The following GLIS3 variants were observed in gnomAD, a reference collection of about 807,000 sequenced individuals.
GLIS3 encodes the protein zinc finger protein GLIS3.
Under a neutral mutation model 78.6 loss-of-function variants are expected in GLIS3, and 53 were observed. The ratio of observed to expected loss-of-function variants is 0.67; its 90% CI spans 0.54 to 0.85. The LOEUF is 0.85. Ranked by LOEUF, GLIS3 falls within the 40% of genes least tolerant of loss-of-function variation. The pLI, the probability that GLIS3 is intolerant of heterozygous loss-of-function variation, is 0.00. For synonymous variants in GLIS3, 684 were observed against 509.9 expected (o/e 1.34, Z -4.60); for missense variants, 1,703 against 1,231.1 (o/e 1.38, Z -5.74).
chr9:4,166,982 T>A (rs1033429552), intron 2 of GLIS3, among the ~76,000 whole-genome samples: 1 of 152,076 alleles, frequency 6.6e-6, no homozygotes, highest in Non-Finnish European at 1.5e-5. Flanking sequence ...ACTCCAAAAA[T>A]CTCTTTGAGT....
chr9:3,912,085 C>T (rs1435691752), intron 6 of GLIS3, among the ~76,000 whole-genome samples: 1 of 152,206 alleles, frequency 6.6e-6, no homozygotes, highest in Non-Finnish European at 1.5e-5. Flanking sequence ...CCTCTCAAGA[C>T]TTCAGAACCT....
chr9:4,003,902 C>A (rs1268418377), intron 4 of GLIS3, among the ~76,000 whole-genome samples: 1 of 152,220 alleles, frequency 6.6e-6, no homozygotes, highest in Non-Finnish European at 1.5e-5. Flanking sequence ...TTTGGTAAAT[C>A]TTTCGTGGTT....
chr9:3,893,526 G>C (rs914194940), intron 7 of GLIS3, among the ~76,000 whole-genome samples: 1 of 152,110 alleles, frequency 6.6e-6, no homozygotes, highest in African/African-American at 2.4e-5. Context: ...GGGGTGACAA[G>C]CAAAATATCC....
At chr9:3,867,294 T>A (rs1418310487) in intron 8 of GLIS3, among the ~76,000 whole-genome samples, 1 of 152,220 alleles carries the variant, frequency 6.6e-6, no homozygotes, top group Non-Finnish European at 1.5e-5. Context: ...TCACAATCAC[T>A]AGACTGGTAA....
rs574171138 is a variant in GLIS3 at position 4,237,378 on chromosome 9, A to G, written c.388+48660T>C. On this transcript the variant is annotated intron_variant, in intron 2 of 10. Transcript: ENST00000381971. ...GCAACTTTACATTAACTGGAAAAAA[A>G]TCAGAATGTAGAATTAAGTCTATAA... is the stretch of plus-strand genomic sequence containing the variant. Among the ~76,000 whole-genome samples the G allele has an allele frequency of 2.0e-5, 3 of 152,316 alleles. No homozygotes were observed. In the South Asian group the frequency reaches 6.2e-4, roughly 32 times the overall value.
At chr9:4,277,311 C>T (rs1827117103) in intron 2 of GLIS3, among the ~76,000 whole-genome samples, 1 of 152,154 alleles carries the variant, frequency 6.6e-6, no homozygotes, top group African/African-American at 2.4e-5. Flanking sequence ...AAACACACAG[C>T]TAGCTAACCA....
intron 2 of GLIS3, among the ~76,000 whole-genome samples, chr9:4,281,082 C>A (rs576986897): frequency 1.3e-5 from 2 of 151,972 alleles, no homozygotes; most frequent in African/African-American, 4.8e-5. Flanking sequence ...GCTTATTAGT[C>A]GTTTGAAAAA....
chr9:3,891,064 C>CA (rs1563817809), intron 7 of GLIS3, among the ~76,000 whole-genome samples: 1 of 28,774 alleles, frequency 3.5e-5, no homozygotes, highest in African/African-American at 1.0e-4. Flanking sequence ...TCCTTCCTTC[C>CA]TCAAAAAAAA....
At chr9:3,838,269 T>A (rs926879415) in intron 9 of GLIS3, among the ~76,000 whole-genome samples, 5 of 152,230 alleles carry the variant, frequency 3.3e-5, no homozygotes, top group African/African-American at 1.2e-4. Context: ...TTAGTTACTT[T>A]AATAAGAATT....
At chr9:4,264,769 G>T (rs921300447) in intron 2 of GLIS3, among the ~76,000 whole-genome samples, 1 of 151,990 alleles carries the variant, frequency 6.6e-6, no homozygotes, top group Non-Finnish European at 1.5e-5. Context: ...TACATCATAG[G>T]TATTTACTCA....
intron 8 of GLIS3, among the ~76,000 whole-genome samples, chr9:3,861,166 G>A (rs964440623): frequency 6.6e-6 from 1 of 152,140 alleles, no homozygotes; most frequent in South Asian, 2.1e-4. Context: ...CCCTGTGTTC[G>A]AGAGCTGTGT....
chr9:4,226,997 C>A (rs1821823532), intron 2 of GLIS3, among the ~76,000 whole-genome samples: 1 of 152,178 alleles, frequency 6.6e-6, no homozygotes, highest in African/African-American at 2.4e-5. Context: ...GAACTAGCAA[C>A]AGGAGCATCC....
intron 4 of GLIS3, among the ~76,000 whole-genome samples, chr9:3,971,123 G>T (rs1046327179): frequency 1.6e-4 from 18 of 111,126 alleles, no homozygotes; most frequent in Non-Finnish European, 4.0e-5. Flanking sequence ...AGGATCGAAG[G>T]AAGGAAGGAA....
intron 2 of GLIS3, among the ~76,000 whole-genome samples, chr9:4,248,861 G>C: frequency 6.6e-6 from 1 of 152,078 alleles, no homozygotes. Context: ...TTTTTTTCAT[G>C]TTTGTTGGCC....
the GLIS3 span, among the ~76,000 whole-genome samples, chr9:4,367,232 T>A: frequency 6.6e-6 from 1 of 152,216 alleles, no homozygotes; most frequent in Non-Finnish European, 1.5e-5. Flanking sequence ...GCTTCATCAG[T>A]TGCCCCTCTC....
chr9:4,091,174 G>C (rs1378638974), intron 4 of GLIS3, among the ~76,000 whole-genome samples: 1 of 152,096 alleles, frequency 6.6e-6, no homozygotes, highest in Non-Finnish European at 1.5e-5. Context: ...GGTAAACATA[G>C]TGAGACCCCA....
intron 9 of GLIS3, among the ~76,000 whole-genome samples, chr9:3,834,185 T>C (rs2129992143): frequency 6.6e-6 from 1 of 152,310 alleles, no homozygotes; most frequent in East Asian, 1.9e-4. Context: ...GTCTCTGTGA[T>C]GACAGGTTAA....
chr9:4,252,107 A>G (rs377152005), intron 2 of GLIS3, among the ~76,000 whole-genome samples: 72 of 152,196 alleles, frequency 4.7e-4, no homozygotes, highest in African/African-American at 1.7e-3. Flanking sequence ...CTCAAGGAGT[A>G]TCTTTGTGGT....
chr9:4,251,699 T>A (rs114573174), intron 2 of GLIS3, among the ~76,000 whole-genome samples: 3,466 of 152,298 alleles, frequency 0.023, 97 homozygotes, highest in African/African-American at 0.071. Context: ...TTCTTCAGTG[T>A]CGATGGTCTT....
Sources: allele counts gnomAD v4.1 joint callset (sites outside exome capture counted in the v4.1 genomes callset), GRCh38; gene constraint gnomAD v4.1.1; transcripts MANE v1.5; gene names NCBI Gene and HGNC (gene_info 2026-07-23, HGNC 2026-07-21).